Variants in RBFOX1 observed in about 807,000 individuals in gnomAD.
The protein encoded by RBFOX1 is RNA binding fox-1 homolog 1, also known as RNA binding protein fox-1 homolog 1.
A neutral mutation model predicts 57.7 loss-of-function variants in RBFOX1; 8 were observed. The ratio of observed to expected loss-of-function variants is 0.14; its 90% confidence interval spans 0.08 to 0.25. The LOEUF (loss-of-function observed/expected upper bound fraction) is 0.25. Among genes scored for constraint, RBFOX1 ranks in the 10% least tolerant of loss-of-function variants. The probability of loss-of-function intolerance (pLI) is 1.00; values close to 1 mark genes in which losing one functional copy is unlikely to be tolerated. For missense variants in RBFOX1, 611 were observed against 548.5 expected, an observed-to-expected ratio of 1.11 and a Z score of -1.14; for synonymous variants, 326 against 222.4, an observed-to-expected ratio of 1.47 and a Z score of -4.15.
At chr16:6,003,905 A>T (rs1319069304) in intron 4 of RBFOX1, among the ~76,000 whole-genome samples, 1 of 152,248 alleles carries the variant, frequency 6.6e-6, no homozygotes, top group South Asian at 2.1e-4. Flanking sequence ...AAGAGAGTCC[A>T]CAAATCTGGC....
chr16:6,882,422 C>G (rs367705164), intron 3 of RBFOX1, among the ~76,000 whole-genome samples: 1 of 151,970 alleles, frequency 6.6e-6, no homozygotes, highest in African/African-American at 2.4e-5. Flanking sequence ...TGATGAAACC[C>G]CATCTTCACT....
chr16:6,273,340 GTTTT>G (rs544640090), intron 1 of RBFOX1, among the ~76,000 whole-genome samples: 1 of 89,882 alleles, frequency 1.1e-5, no homozygotes, highest in Non-Finnish European at 2.0e-5. Flanking sequence ...GTTGTTGTTG[GTTTT>G]TTTTTTTTTT....
intron 2 of RBFOX1, among the ~76,000 whole-genome samples, chr16:5,475,214 A>T (rs2069279529): frequency 6.6e-6 from 1 of 152,148 alleles, no homozygotes; most frequent in Admixed American, 6.5e-5. Flanking sequence ...TATTACAAAG[A>T]CTTTTCTTGC....
Position 6,026,721 on chromosome 16 carries a change from C to A in RBFOX1, c.-127+6729C>A, listed in dbSNP as rs1011244302. 2.6e-5 allele frequency among the ~76,000 whole-genome samples: 4 copies of A among 152,358 alleles called. No homozygotes were observed. The East Asian group carries it at 7.7e-4, about 29-fold the overall frequency. ...CGCTAGATTTCTGCACTGGTGCAAT[C>A]TGGCTCTTGTTTTGTTGTTTGTCTC... On this transcript the variant is annotated intron_variant, in intron 1 of 15. Transcript: ENST00000550418.
chr16:6,539,803 A>G (rs537322973), intron 2 of RBFOX1, among the ~76,000 whole-genome samples: 1 of 143,138 alleles, frequency 7.0e-6, no homozygotes, highest in Non-Finnish European at 1.5e-5. Context: ...ATCTCAAAAC[A>G]CAGACACACA....
intron 11 of RBFOX1, among the ~76,000 whole-genome samples, chr16:7,649,087 C>T (rs1006051994): frequency 9.2e-5 from 14 of 151,962 alleles, no homozygotes; most frequent in Non-Finnish European, 2.1e-4. Flanking sequence ...GTCCACAGTG[C>T]AAAGCAAAAG....
chr16:5,542,397 C>G (rs113764388), intron 2 of RBFOX1, among the ~76,000 whole-genome samples: 1 of 151,296 alleles, frequency 6.6e-6, no homozygotes, highest in African/African-American at 2.4e-5. Context: ...TACAGGCATG[C>G]GCCACCATGC....
intron 4 of RBFOX1, among the ~76,000 whole-genome samples, chr16:7,255,894 C>T (rs1183717395): frequency 1.3e-5 from 2 of 152,068 alleles, no homozygotes; most frequent in East Asian, 3.9e-4. Flanking sequence ...TATGGCTTTC[C>T]GTTACCTTAT....
At chr16:6,641,510 A>C (rs1051450615) in intron 2 of RBFOX1, among the ~76,000 whole-genome samples, 1 of 151,984 alleles carries the variant, frequency 6.6e-6, no homozygotes, top group African/African-American at 2.4e-5. Context: ...CGAGGCGGGC[A>C]GATCGCTTGA....
At chr16:6,499,824 C>G (rs553606501) in intron 2 of RBFOX1, among the ~76,000 whole-genome samples, 9 of 152,192 alleles carry the variant, frequency 5.9e-5, no homozygotes, top group African/African-American at 1.9e-4. Flanking sequence ...CGCGGGTAAT[C>G]GATACCTCCT....
At chr16:5,874,383 G>A (rs1307292930) in intron 4 of RBFOX1, among the ~76,000 whole-genome samples, 1 of 152,168 alleles carries the variant, frequency 6.6e-6, no homozygotes. Context: ...TACGATGGTG[G>A]GGCACAGTCG....
At position 6,635,088 on chromosome 16, in the gene RBFOX1, ATATATAT is replaced by A. The variant is rs766694564; in HGVS notation, c.-63-19507_-63-19501del. ...TGTTATATATTTTAATTTATATATC[ATATATAT>A]TATATATAAAGTATTATATGTAAGT... is the stretch of plus-strand genomic sequence containing the variant. On this transcript the variant is annotated intron_variant, in intron 2 of 15. Transcript: ENST00000550418. 0.021 allele frequency among the ~76,000 whole-genome samples: 510 copies of A among 24,468 alleles called. 7 individuals carry two copies. In the South Asian group the frequency reaches 0.31, roughly 15 times the overall value. 16.1% of individuals were successfully genotyped at this position (24,468 alleles called of 152,430 possible).
chr16:7,255,636 G>A (rs376288945), intron 4 of RBFOX1, among the ~76,000 whole-genome samples: 2 of 152,082 alleles, frequency 1.3e-5, no homozygotes, highest in Admixed American at 6.6e-5. Context: ...GCACTGTTCA[G>A]TAGAAATATA....
At chr16:7,592,641 T>C (rs531228838) in intron 7 of RBFOX1, among the ~76,000 whole-genome samples, 9 of 152,254 alleles carry the variant, frequency 5.9e-5, no homozygotes, top group African/African-American at 1.7e-4. Context: ...TTTTGGAATA[T>C]GTGGCATGGC....
In RBFOX1 at chr16:6,019,304, C is replaced by A. The variant is rs1054414504; in HGVS notation, c.-815C>A. 10 of 985,386 alleles carry A rather than the reference C, an allele frequency of 1.0e-5. No individual in the cohort carries two copies. The African/African-American group carries it at 1.7e-4, about 17-fold the overall frequency. The allele number at this position is 985,386 out of a possible 1,614,324, so 61.0% of individuals were successfully genotyped here. A position where few individuals can be genotyped will look rare whatever the true frequency, so the allele number is the denominator to read the frequency against. ...GAGCGCGGGGTTTGAAGGTCACCTC[C>A]TTTCCAGTCCCCGTGCGAGCCGCGC... On this transcript the variant is annotated 5_prime_UTR_variant, in exon 1 of 16. Coordinates refer to ENST00000550418, the MANE Select transcript of RBFOX1 (RefSeq NM_018723.4). The surrounding 1 kb of genome is among the most constrained non-coding windows in gnomAD (Gnocchi z 4.2).
chr16:6,366,631 A>T (rs1363802205), intron 2 of RBFOX1, among the ~76,000 whole-genome samples: 1 of 152,220 alleles, frequency 6.6e-6, no homozygotes. Context: ...ACCATGTGCC[A>T]GGTTCTTCTG....
chr16:7,223,436 T>A (rs2092877159), intron 4 of RBFOX1, among the ~76,000 whole-genome samples: 1 of 152,156 alleles, frequency 6.6e-6, no homozygotes, highest in Admixed American at 6.5e-5. Context: ...AAATGTATAT[T>A]CCATTGAATC....
intron 4 of RBFOX1, among the ~76,000 whole-genome samples, chr16:7,318,472 C>T (rs1172689345): frequency 6.6e-6 from 1 of 152,144 alleles, no homozygotes; most frequent in South Asian, 2.1e-4. Context: ...AAGTCTACCA[C>T]TTACCACCTT....
chr16:6,853,554 A>T (rs2094184118), intron 3 of RBFOX1, among the ~76,000 whole-genome samples: 1 of 152,052 alleles, frequency 6.6e-6, no homozygotes, highest in Admixed American at 6.5e-5. Flanking sequence ...AATTTGGGTT[A>T]TGAGTGATTG....
Sources: allele counts gnomAD v4.1 joint callset (sites outside exome capture counted in the v4.1 genomes callset), GRCh38; gene constraint gnomAD v4.1.1; non-coding constraint Gnocchi (gnomAD v3.1); transcripts MANE v1.5; gene names NCBI Gene and HGNC (gene_info 2026-07-23, HGNC 2026-07-21).